Variants in TSPAN9 observed in about 807,000 individuals in gnomAD.
TSPAN9 encodes tetraspanin 9.
In TSPAN9, 16 loss-of-function variants were observed where a neutral mutation model predicts 31.0. That is an observed-to-expected ratio of 0.52 (90% CI 0.35 to 0.78). TSPAN9 has a LOEUF of 0.78. Ranked by LOEUF, TSPAN9 falls within the 30% of genes least tolerant of loss-of-function variation. TSPAN9 has a pLI of 0.01. For synonymous variants in TSPAN9, 145 were observed against 121.6 expected (o/e 1.19, Z -1.27); for missense variants, 272 against 312.5 (o/e 0.87, Z 0.98).
At chr12:3,158,721 C>A (rs1489938932) in intron 2 of TSPAN9, among the ~76,000 whole-genome samples, 234 of 57,762 alleles carry the variant, frequency 4.1e-3, no homozygotes, top group African/African-American at 7.9e-3. Context: ...GACTCTGTCT[C>A]AAAAAAAAAA....
intron 1 of TSPAN9, among the ~76,000 whole-genome samples, chr12:3,080,340 T>G (rs1430520545): frequency 6.6e-6 from 1 of 151,554 alleles, no homozygotes; most frequent in Non-Finnish European, 1.5e-5. Flanking sequence ...CTTTTTTTTG[T>G]TGTTGTTGTT....
At chr12:3,169,903 C>G (rs2098350798) in intron 2 of TSPAN9, among the ~76,000 whole-genome samples, 1 of 151,846 alleles carries the variant, frequency 6.6e-6, no homozygotes, top group African/African-American at 2.4e-5. Flanking sequence ...CTGAGTGGGA[C>G]TCAAGCCATC....
At position 3,281,729 on chromosome 12, in the gene TSPAN9, C is replaced by T. The variant is rs1359104082; in HGVS notation, c.565-5C>T. On this transcript the variant is annotated splice_polypyrimidine_tract_variant and splice_region_variant and intron_variant, in intron 7 of 8. Transcript: ENST00000011898. ...GACCCTAACCTCGTGGGCCTCGCTC[C>T]CCAGGGCTGCTATGAAAAGGTGAAG... 1.2e-6 allele frequency: 2 copies of T among 1,611,770 alleles called. No individual in the cohort carries two copies. Among genetic ancestry groups the T allele is most frequent in the Non-Finnish European group, 1.7e-6 (2 of 1,178,050 alleles).
intron 3 of TSPAN9, among the ~76,000 whole-genome samples, chr12:3,220,636 C>T (rs1403316217): frequency 6.6e-6 from 1 of 152,218 alleles, no homozygotes; most frequent in Non-Finnish European, 1.5e-5. Flanking sequence ...CTGGGACCCA[C>T]TGGAGGACCC....
At chr12:3,164,352 G>A (rs76058859) in intron 2 of TSPAN9, among the ~76,000 whole-genome samples, 3,729 of 152,314 alleles carry the variant, frequency 0.024, 155 homozygotes, top group African/African-American at 0.085. Context: ...TGATCAGGGA[G>A]CCACCATGGC....
chr12:3,265,368 G>A (rs1362567636), intron 3 of TSPAN9, among the ~76,000 whole-genome samples: 1 of 152,204 alleles, frequency 6.6e-6, no homozygotes, highest in Non-Finnish European at 1.5e-5. Context: ...ACTCAAGATC[G>A]TCATCACCGT....
At chr12:3,126,510 A>G (rs1253211267) in intron 2 of TSPAN9, among the ~76,000 whole-genome samples, 6 of 152,172 alleles carry the variant, frequency 3.9e-5, no homozygotes, top group Non-Finnish European at 2.9e-5. Context: ...CACCTTTTCT[A>G]TGTGTACACT....
intron 3 of TSPAN9, among the ~76,000 whole-genome samples, chr12:3,263,791 TG>T (rs1862494000): frequency 6.6e-6 from 1 of 151,850 alleles, no homozygotes; most frequent in South Asian, 2.1e-4. Flanking sequence ...TGCAGAGTGT[TG>T]GGGGGTGAGG....
intron 3 of TSPAN9, among the ~76,000 whole-genome samples, chr12:3,240,192 A>G (rs2098395887): frequency 6.6e-6 from 1 of 152,126 alleles, no homozygotes; most frequent in South Asian, 2.1e-4. Flanking sequence ...ATTTTAAAGC[A>G]GGTCCCAGAC....
intron 2 of TSPAN9, among the ~76,000 whole-genome samples, chr12:3,142,025 G>A (rs533137): frequency 0.32 from 49,163 of 151,982 alleles, 8,371 homozygotes; most frequent in African/African-American, 0.42. Context: ...CAGGCATTGC[G>A]CTAAGTGTCT....
chr12:3,109,307 AGT>A lies in TSPAN9; in HGVS notation c.-18+25607_-18+25608del, dbSNP rs1555141854. ...GTGTGTGTGTGTGTGTGTGAGAGAG[AGT>A]GTGTGTGTGTGTGTGTGTTTGTGTG... is the stretch of plus-strand genomic sequence containing the variant. On this transcript the variant is annotated intron_variant, in intron 2 of 8. Transcript: ENST00000011898. Among the ~76,000 whole-genome samples, 192 of 143,314 alleles carry A rather than the reference AGT, an allele frequency of 1.3e-3. 2 individuals carry two copies. The highest frequency in any genetic ancestry group is 4.7e-3 in the African/African-American group (171 of 36,142). 94.0% of individuals were successfully genotyped at this position (143,314 alleles called of 152,430 possible).
intron 3 of TSPAN9, 117 bp from the exon 4 acceptor site, chr12:3,278,304 T>G (rs1784009580): frequency 3.5e-6 from 5 of 1,430,876 alleles, no homozygotes; most frequent in Non-Finnish European, 4.7e-6. Context: ...CGTTCTCACC[T>G]TGTCGGTTCT....
intron 2 of TSPAN9, among the ~76,000 whole-genome samples, chr12:3,123,596 AC>A (rs1475850400): frequency 6.7e-6 from 1 of 149,650 alleles, no homozygotes; most frequent in African/African-American, 2.5e-5. Flanking sequence ...GGAGGATTAA[AC>A]AATTTTTTGG....
chr12:3,275,972 G>A (rs1862778295), intron 3 of TSPAN9, among the ~76,000 whole-genome samples: 1 of 152,200 alleles, frequency 6.6e-6, no homozygotes, highest in Admixed American at 6.5e-5. Context: ...GCCTGTCAAT[G>A]CCACCTTCAA....
At chr12:3,230,495 CT>C (rs2098390123) in intron 3 of TSPAN9, among the ~76,000 whole-genome samples, 1 of 152,054 alleles carries the variant, frequency 6.6e-6, no homozygotes, top group Admixed American at 6.6e-5. Flanking sequence ...CCCATAGGGA[CT>C]TTTCTTTCAT....
intron 2 of TSPAN9, among the ~76,000 whole-genome samples, chr12:3,148,363 A>G: frequency 6.6e-6 from 1 of 152,248 alleles, no homozygotes; most frequent in East Asian, 1.9e-4. Context: ...AAGTCAGTCC[A>G]GAGTCACAAG....
intron 2 of TSPAN9, among the ~76,000 whole-genome samples, chr12:3,133,548 A>G (rs1288735825): frequency 2.0e-5 from 3 of 152,190 alleles, no homozygotes; most frequent in Non-Finnish European, 4.4e-5. Flanking sequence ...ATTCCAATGC[A>G]GTCATCTTCC....
At chr12:3,146,747 G>A (rs1028045906) in intron 2 of TSPAN9, among the ~76,000 whole-genome samples, 2 of 152,076 alleles carry the variant, frequency 1.3e-5, no homozygotes, top group African/African-American at 4.8e-5. Context: ...CTGGGATTCT[G>A]TGCTCTCTAG....
At chr12:3,105,158 C>G (rs938493790) in intron 2 of TSPAN9, among the ~76,000 whole-genome samples, 4 of 152,210 alleles carry the variant, frequency 2.6e-5, no homozygotes, top group African/African-American at 9.7e-5. Context: ...TCTTTGTGTT[C>G]AGACAAGCCC....
Sources: gnomAD v4.1 joint callset for allele counts (sites outside exome capture counted in the v4.1 genomes callset) on GRCh38, gnomAD v4.1.1 for gene constraint, MANE v1.5 for transcripts, NCBI Gene and HGNC (gene_info 2026-07-23, HGNC 2026-07-21) for gene names.